Variants in TCERG1L observed in about 807,000 individuals in gnomAD.
TCERG1L encodes transcription elongation regulator 1 like, also known as transcription elongation regulator 1-like protein.
In TCERG1L, 37 loss-of-function variants were observed where a neutral mutation model predicts 56.3. The observed-to-expected ratio is 0.66, with a 90% confidence interval of 0.51 to 0.87. TCERG1L has a LOEUF of 0.87. Ranked by LOEUF, TCERG1L falls within the 40% of genes least tolerant of loss-of-function variation. The pLI is 0.00. For missense variants in TCERG1L, 799 were observed against 774.2 expected, an observed-to-expected ratio of 1.03 and a Z score of -0.38; for synonymous variants, 324 against 326.3, an observed-to-expected ratio of 0.99 and a Z score of 0.08.
At chr10:131,217,293 G>T (rs1313469461) in intron 4 of TCERG1L, among the ~76,000 whole-genome samples, 1 of 152,018 alleles carries the variant, frequency 6.6e-6, no homozygotes, top group Non-Finnish European at 1.5e-5. Context: ...AGTCATGTAG[G>T]ACGCCTGCTC....
Position 131,288,713 on chromosome 10 carries a change from A to C in TCERG1L, c.670+19498T>G, listed in dbSNP as rs191953626. ...GCCTTACATCCAAAGTGTCCTTGTA[A>C]GAAAAAGAGAGGCCACGCAGAGACC... On this transcript the variant is annotated intron_variant, in intron 3 of 11. Transcript: ENST00000368642. Among the ~76,000 whole-genome samples, 378 of 152,316 alleles carry C rather than the reference A, an allele frequency of 2.5e-3. 1 individual carries two copies. Among genetic ancestry groups the C allele is most frequent in the African/African-American group, 8.4e-3 (350 of 41,564 alleles).
chr10:131,135,939 G>A (rs1219537434), intron 7 of TCERG1L, among the ~76,000 whole-genome samples: 5 of 152,202 alleles, frequency 3.3e-5, no homozygotes, highest in African/African-American at 4.8e-5. Flanking sequence ...GCTTTTCAGC[G>A]GCCCCTGGTC....
Position 131,239,671 on chromosome 10 carries a change from G to A in TCERG1L, c.856+20588C>T, listed in dbSNP as rs78807399. On this transcript the variant is annotated intron_variant, in intron 4 of 11. Coordinates refer to ENST00000368642, the MANE Select transcript of TCERG1L (RefSeq NM_174937.4). The stretch of plus-strand genomic sequence containing the variant: ...CAGAGGGGCTTTTACAGGATTGGCC[G>A]TGAGGGCCTCAGATGCTGGCTACAC... Among the ~76,000 whole-genome samples, 584 of 152,340 alleles carry A rather than the reference G, an allele frequency of 3.8e-3. 21 individuals are homozygous for A. In the East Asian group the frequency reaches 0.071, roughly 19 times the overall value.
chr10:131,249,116 C>A (rs1386941337), intron 4 of TCERG1L, among the ~76,000 whole-genome samples: 1 of 152,258 alleles, frequency 6.6e-6, no homozygotes, highest in Non-Finnish European at 1.5e-5. Flanking sequence ...CCAGCAGGGA[C>A]TCAGCAAAAG....
intron 3 of TCERG1L, among the ~76,000 whole-genome samples, chr10:131,270,723 C>G (rs1846331360): frequency 6.6e-6 from 1 of 152,144 alleles, no homozygotes; most frequent in Non-Finnish European, 1.5e-5. Flanking sequence ...TGTTTTTTTT[C>G]AAACACTTCC....
chr10:131,197,745 A>G (rs1341242957), intron 4 of TCERG1L, among the ~76,000 whole-genome samples: 1 of 152,224 alleles, frequency 6.6e-6, no homozygotes, highest in African/African-American at 2.4e-5. Flanking sequence ...GAAAAATAGC[A>G]TAAAATACAA....
chr10:131,117,182 C>T (rs1269212867), intron 8 of TCERG1L, among the ~76,000 whole-genome samples: 1 of 152,162 alleles, frequency 6.6e-6, no homozygotes, highest in Non-Finnish European at 1.5e-5. Flanking sequence ...CTGTGAGAAG[C>T]TGCAGCTCAA....
At chr10:131,158,966 G>C (rs1451061529) in intron 6 of TCERG1L, among the ~76,000 whole-genome samples, 1 of 152,214 alleles carries the variant, frequency 6.6e-6, no homozygotes, top group Admixed American at 6.5e-5. Flanking sequence ...TCCCCCAGGT[G>C]ACCCTGAACT....
intron 3 of TCERG1L, among the ~76,000 whole-genome samples, chr10:131,281,495 A>G (rs1366999792): frequency 2.0e-5 from 3 of 152,196 alleles, no homozygotes; most frequent in Non-Finnish European, 2.9e-5. Flanking sequence ...TGTCCATATG[A>G]AAGGCATTTG....
chr10:131,166,113 C>A (rs150858431), intron 5 of TCERG1L, among the ~76,000 whole-genome samples: 7 of 152,312 alleles, frequency 4.6e-5, no homozygotes, highest in African/African-American at 1.7e-4. Context: ...GGTGACTACA[C>A]CCTGACAGAA....
At chr10:131,145,964 T>C (rs1040070226) in intron 7 of TCERG1L, among the ~76,000 whole-genome samples, 1 of 152,208 alleles carries the variant, frequency 6.6e-6, no homozygotes, top group African/African-American at 2.4e-5. Context: ...GAAACAAGAT[T>C]TACAGGCATT....
chr10:131,107,956 TACACACACAC>T (rs59364659), intron 9 of TCERG1L, among the ~76,000 whole-genome samples: 7 of 146,764 alleles, frequency 4.8e-5, no homozygotes, highest in African/African-American at 1.5e-4. Flanking sequence ...CATGTGTGCC[TACACACACAC>T]ACACACACAC....
In TCERG1L at chr10:131,158,037, A is replaced by T. The variant is rs375022387; in HGVS notation, c.1034+5085T>A. Among the ~76,000 whole-genome samples, 44 of 152,358 alleles carry T rather than the reference A, an allele frequency of 2.9e-4. No homozygotes were observed. The South Asian group carries it at 8.9e-3, about 31-fold the overall frequency. On this transcript the variant is annotated intron_variant, in intron 6 of 11. Transcript: ENST00000368642. ...GCATTTCTCAAGTGCTTAGTATTAC[A>T]TTAATGCTTTCAAGGAGGCCCTGCG...
chr10:131,177,943 C>T lies in TCERG1L; in HGVS notation c.857-11058G>A, dbSNP rs556985931. On this transcript the variant is annotated intron_variant, in intron 4 of 11. Coordinates refer to ENST00000368642, the MANE Select transcript of TCERG1L (RefSeq NM_174937.4). Reference sequence around the variant, plus strand: ...TCGAGTCCCTGCTGTAGTTTCAAGTCTGTTTCCACTTTACTTTTTCTCTAG... The same window carrying T: ...TCGAGTCCCTGCTGTAGTTTCAAGTTTGTTTCCACTTTACTTTTTCTCTAG... Among the ~76,000 whole-genome samples, 3 of 151,976 alleles carry T rather than the reference C, an allele frequency of 2.0e-5. No individual in the cohort carries two copies. In the East Asian group the frequency reaches 5.8e-4, roughly 29 times the overall value.
rs1198032016 is a variant in TCERG1L at position 131,092,915 on chromosome 10, G to T, written c.*247C>A. ...AATTTGTGTATATTACAAGTAATTT[G>T]CATAATTAAAACAATTAAGGGATCG... On this transcript the variant is annotated 3_prime_UTR_variant, in exon 12 of 12. Transcript: ENST00000368642. 2 of 405,620 alleles carry T rather than the reference G, an allele frequency of 4.9e-6. No individual in the cohort carries two copies. Among genetic ancestry groups the T allele is most frequent in the South Asian group, 5.2e-5 (1 of 19,406 alleles). The allele number at this position is 405,620 out of a possible 1,614,324, so 25.1% of individuals were successfully genotyped here.
intron 4 of TCERG1L, among the ~76,000 whole-genome samples, chr10:131,205,613 C>T (rs150348856): frequency 5.3e-5 from 8 of 152,290 alleles, no homozygotes; most frequent in East Asian, 1.9e-4. Flanking sequence ...AGGTAAACGC[C>T]GCCTTCCATG....
At chr10:131,163,480 G>A (rs771722866) in intron 5 of TCERG1L, among the ~76,000 whole-genome samples, 1 of 152,154 alleles carries the variant, frequency 6.6e-6, no homozygotes, top group African/African-American at 2.4e-5. Flanking sequence ...AAGCAGAGAC[G>A]GTCAGAGGCA....
At chr10:131,188,101 T>C (rs978469893) in intron 4 of TCERG1L, among the ~76,000 whole-genome samples, 1 of 152,202 alleles carries the variant, frequency 6.6e-6, no homozygotes, top group East Asian at 1.9e-4. Context: ...TCTGGTGCAA[T>C]TAGAGCTGGG....
At chr10:131,279,566 T>A (rs1182570790) in intron 3 of TCERG1L, among the ~76,000 whole-genome samples, 1 of 152,172 alleles carries the variant, frequency 6.6e-6, no homozygotes, top group Admixed American at 6.5e-5. Flanking sequence ...GACAAGCTCC[T>A]GTCCCACCAT....
Sources: allele counts gnomAD v4.1 joint callset (sites outside exome capture counted in the v4.1 genomes callset), GRCh38; gene constraint gnomAD v4.1.1; transcripts MANE v1.5; gene names NCBI Gene and HGNC (gene_info 2026-07-23, HGNC 2026-07-21).